TP63: variants seen among roughly 807,000 people sequenced by gnomAD.
TP63 encodes the protein tumor protein 63.
Under a neutral mutation model 82.8 loss-of-function variants are expected in TP63, and 17 were observed. The observed-to-expected ratio is 0.21, with a 90% confidence interval of 0.14 to 0.31. The LOEUF (loss-of-function observed/expected upper bound fraction) is 0.31. Ranked by LOEUF, TP63 falls within the 10% of genes least tolerant of loss-of-function variation. TP63 has a pLI of 1.00. For synonymous variants in TP63, 330 were observed against 321.7 expected, an observed-to-expected ratio of 1.03 and a Z score of -0.28; for missense variants, 648 against 895.3, an observed-to-expected ratio of 0.72 and a Z score of 3.52.
At chr3:189,740,560 C>T (rs554824734) in intron 3 of TP63, among the ~76,000 whole-genome samples, 6 of 150,554 alleles carry the variant, frequency 4.0e-5, no homozygotes, top group African/African-American at 1.2e-4. Flanking sequence ...AGTGCAGTGG[C>T]GCAATCTAGG....
At chr3:189,877,215 T>G (rs996187053) in intron 10 of TP63, among the ~76,000 whole-genome samples, 4 of 152,204 alleles carry the variant, frequency 2.6e-5, no homozygotes, top group Non-Finnish European at 4.4e-5. Context: ...TTAGTTGATT[T>G]GCTTACATTG....
At chr3:189,873,868 G>C (rs1718726609) in intron 10 of TP63, among the ~76,000 whole-genome samples, 1 of 152,132 alleles carries the variant, frequency 6.6e-6, no homozygotes, top group Non-Finnish European at 1.5e-5. Flanking sequence ...CTGTAGATAA[G>C]TGTAAAATAT....
At chr3:189,669,182 A>G (rs1484013043) in intron 1 of TP63, among the ~76,000 whole-genome samples, 1 of 152,040 alleles carries the variant, frequency 6.6e-6, no homozygotes, top group Non-Finnish European at 1.5e-5. Context: ...CAGTTAGGTC[A>G]GTTGGTTGGT....
At chr3:189,677,966 A>T (rs967610428) in intron 1 of TP63, among the ~76,000 whole-genome samples, 1 of 151,650 alleles carries the variant, frequency 6.6e-6, no homozygotes, top group African/African-American at 2.4e-5. Context: ...TTTTGTTATG[A>T]TGTTGGAGTT....
intron 1 of TP63, among the ~76,000 whole-genome samples, chr3:189,733,917 A>G (rs1283043298): frequency 1.3e-5 from 2 of 151,780 alleles, no homozygotes; most frequent in Admixed American, 1.3e-4. Context: ...AATTATAGGG[A>G]CCTCCTTAAT....
At chr3:189,854,245 T>C (rs952693969) in intron 4 of TP63, among the ~76,000 whole-genome samples, 1 of 152,196 alleles carries the variant, frequency 6.6e-6, no homozygotes, top group African/African-American at 2.4e-5. Context: ...TGTTTGTTTG[T>C]TTGAGATGGA....
intron 3 of TP63, among the ~76,000 whole-genome samples, chr3:189,744,641 C>T (rs1721236662): frequency 2.0e-5 from 3 of 152,242 alleles, no homozygotes. Context: ...GCTGTCACAG[C>T]TACTGTCAAT....
At chr3:189,881,134 A>T in intron 10 of TP63, 10 of 985,374 alleles carry the variant, frequency 1.0e-5, no homozygotes, top group Non-Finnish European at 1.2e-5. Context: ...CCTACCATAA[A>T]ACCAGCCATA....
intron 3 of TP63, among the ~76,000 whole-genome samples, chr3:189,796,261 A>G (rs1028636710): frequency 6.6e-6 from 1 of 152,044 alleles, no homozygotes; most frequent in Non-Finnish European, 1.5e-5. Context: ...CTTTGGGACA[A>G]GGATACATGT....
At chr3:189,611,446 A>G in the TP63 span, among the ~76,000 whole-genome samples, 1 of 152,114 alleles carries the variant, frequency 6.6e-6, no homozygotes, top group African/African-American at 2.4e-5. Flanking sequence ...GAAAGATCAG[A>G]TGGTCATAGA....
At chr3:189,675,707 T>TC (rs776843355) in intron 1 of TP63, among the ~76,000 whole-genome samples, 21 of 151,944 alleles carry the variant, frequency 1.4e-4, no homozygotes, top group African/African-American at 4.8e-4. Context: ...TGTCTCCTGC[T>TC]CCCCCTCACC....
At chr3:189,810,617 G>A (rs1727440368) in intron 4 of TP63, among the ~76,000 whole-genome samples, 1 of 152,026 alleles carries the variant, frequency 6.6e-6, no homozygotes, top group African/African-American at 2.4e-5. Flanking sequence ...CAGCACTTTG[G>A]GAGGCTGAGG....
chr3:189,881,572 A>T, intron 10 of TP63: 2 of 956,218 alleles, frequency 2.1e-6, no homozygotes, highest in South Asian at 9.6e-5. Flanking sequence ...TAAGTGCTTG[A>T]AGTAGCATGT....
At chr3:189,648,486 T>G (rs935737775) in intron 1 of TP63, among the ~76,000 whole-genome samples, 2 of 147,342 alleles carry the variant, frequency 1.4e-5, no homozygotes, top group African/African-American at 5.1e-5. Context: ...CTGAATGAAT[T>G]ACGGAGAAAT....
At chr3:189,772,899 C>G (rs1440587275) in intron 3 of TP63, among the ~76,000 whole-genome samples, 1 of 152,132 alleles carries the variant, frequency 6.6e-6, no homozygotes, top group Admixed American at 6.5e-5. Context: ...GATAATACTA[C>G]TACTTTGCAC....
At chr3:189,741,511 G>C (rs550720934) in intron 3 of TP63, among the ~76,000 whole-genome samples, 1 of 152,226 alleles carries the variant, frequency 6.6e-6, no homozygotes, top group East Asian at 1.9e-4. Context: ...TCCACGTATA[G>C]GTTAATAGCT....
At chr3:189,886,031 T>C (rs950311657) in intron 10 of TP63, among the ~76,000 whole-genome samples, 5 of 152,210 alleles carry the variant, frequency 3.3e-5, no homozygotes, top group African/African-American at 1.2e-4. Flanking sequence ...CTTTGCTCAA[T>C]TCTTTTCCCT....
chr3:189,689,477 G>A (rs1716742599), intron 1 of TP63, among the ~76,000 whole-genome samples: 1 of 151,956 alleles, frequency 6.6e-6, no homozygotes, highest in African/African-American at 2.4e-5. Flanking sequence ...CATGTATAAG[G>A]CAATACACAT....
rs554210775 is a variant in TP63, at chr3:189,657,863, T to G, written c.62+26286T>G. ...AACTGATGGCCTCGGAGGAGTGATG[T>G]CCCAGGAGCAAAGGGCATATTCCTT... On this transcript the variant is annotated intron_variant, in intron 1 of 13. Coordinates refer to ENST00000264731, the MANE Select transcript of TP63 (RefSeq NM_003722.5). Among the ~76,000 whole-genome samples the G allele has an allele frequency of 2.0e-5, 3 of 152,198 alleles. No individual in the cohort carries two copies. The South Asian group carries it at 6.2e-4, about 32-fold the overall frequency.
Sources: allele counts gnomAD v4.1 joint callset (sites outside exome capture counted in the v4.1 genomes callset), GRCh38; gene constraint gnomAD v4.1.1; transcripts MANE v1.5; gene names NCBI Gene and HGNC (gene_info 2026-07-23, HGNC 2026-07-21).